The following CYP24A1 variants were observed in gnomAD, a reference collection of about 807,000 sequenced individuals.
The protein encoded by CYP24A1 is cytochrome P450 family 24 subfamily A member 1, also known as 1,25-dihydroxyvitamin D(3) 24-hydroxylase, mitochondrial.
Under a neutral mutation model 62.4 loss-of-function variants are expected in CYP24A1, and 68 were observed. The ratio of observed to expected loss-of-function variants is 1.09; its 90% CI spans 0.90 to 1.33. CYP24A1 has a LOEUF of 1.33. Among genes scored for constraint, CYP24A1 ranks in the 40% most tolerant of loss-of-function variants. The pLI, the probability that CYP24A1 is intolerant of heterozygous loss-of-function variation, is 0.00. For synonymous variants in CYP24A1, 267 were observed against 253.0 expected (o/e 1.06, Z -0.52); for missense variants, 787 against 653.0 (o/e 1.21, Z -2.24).
chr20:54,149,175 G>A (rs1262102868), downstream of CYP24A1, among the ~76,000 whole-genome samples: 3 of 152,082 alleles, frequency 2.0e-5, no homozygotes, highest in African/African-American at 7.2e-5. Flanking sequence ...ACCATTTATG[G>A]TAACCAATAA....
intron 5 of CYP24A1, among the ~76,000 whole-genome samples, chr20:54,165,506 C>G (rs1445062527): frequency 2.0e-5 from 3 of 152,198 alleles, no homozygotes; most frequent in Non-Finnish European, 4.4e-5. Context: ...CCACCCTGCC[C>G]TGTCCATGGA....
chr20:54,171,497 C>A, intron 3 of CYP24A1, 80 bp downstream of exon 3: 3 of 1,611,150 alleles, frequency 1.9e-6, no homozygotes, highest in Non-Finnish European at 2.5e-6. Context: ...TTCCTTTGTT[C>A]TTTGTAGCTG....
the CYP24A1 span, among the ~76,000 whole-genome samples, chr20:54,145,543 G>A: frequency 1.3e-5 from 2 of 151,380 alleles, no homozygotes; most frequent in East Asian, 1.9e-4. Context: ...GGGAGGCTGA[G>A]GCAGGAGAAT....
chr20:54,144,415 A>G, the CYP24A1 span, among the ~76,000 whole-genome samples: 1 of 150,832 alleles, frequency 6.6e-6, no homozygotes, highest in African/African-American at 2.4e-5. Context: ...ACACTTGGCT[A>G]ATTTTTTTTT....
chr20:54,170,434 G>A (rs1046312457), intron 3 of CYP24A1, among the ~76,000 whole-genome samples: 1 of 152,142 alleles, frequency 6.6e-6, no homozygotes, highest in Non-Finnish European at 1.5e-5. Flanking sequence ...TATGCACACA[G>A]AGCTGATAAG....
At chr20:54,172,676 C>T in intron 2 of CYP24A1, 1 of 932,616 alleles carries the variant, frequency 1.1e-6, no homozygotes, top group Non-Finnish European at 1.5e-6. Context: ...TGGCCCTGCC[C>T]TGTTGCCAGA....
chr20:54,157,845 T>C lies in CYP24A1; in HGVS notation c.1236+241A>G, dbSNP rs1417185797. 2.6e-5 allele frequency among the ~76,000 whole-genome samples: 4 copies of C among 152,212 alleles called. No homozygotes were observed. The East Asian group carries it at 7.7e-4, about 29-fold the overall frequency. ...CCCCTTTTACAGACGAAGTTGAGGCTCACAGAGATTATGTAACTCACTCAA... is the reference window on the plus strand; with the variant it reads ...CCCCTTTTACAGACGAAGTTGAGGCCCACAGAGATTATGTAACTCACTCAA... On this transcript the variant is annotated intron_variant, in intron 9 of 11. Transcript: ENST00000216862.
At position 54,173,483 on chromosome 20, in the gene CYP24A1, A is replaced by T; in HGVS notation, c.97T>A (p.Tyr33Asn). ...ACCTCTCGCGGCTGAGGGGACGTGT[A>T]CGCCGTAGATGTCACCAGTCTCGGG... Reference protein sequence around the residue: ...QPPRLVTSTAYTSPQPREVPV... With the variant: ...QPPRLVTSTANTSPQPREVPV... The change falls in exon 1 of 12, where the codon TAC becomes AAC. Residue 33 changes from tyrosine (Y) to asparagine (N), a missense_variant. By Grantham distance (143) the Tyr-to-Asn change is moderately radical. Transcript: ENST00000216862. The surrounding 1 kb of genome is among the most constrained non-coding windows in gnomAD (Gnocchi z 7.2). 1 of 1,565,986 alleles carries T rather than the reference A, an allele frequency of 6.4e-7. No individual in the cohort carries two copies. The highest frequency in any genetic ancestry group is 8.7e-7 in the Non-Finnish European group (1 of 1,155,796).
chr20:54,168,878 CCTTCCTTCCTTCCTTT>C (rs2092683757), intron 4 of CYP24A1, among the ~76,000 whole-genome samples: 1 of 109,470 alleles, frequency 9.1e-6, no homozygotes, highest in South Asian at 3.0e-4. Context: ...TTCCTTCCTT[CCTTCCTTCCTTCCTTT>C]CTCTGTCTCT....
chr20:54,148,041 G>A, the CYP24A1 span, among the ~76,000 whole-genome samples: 1 of 151,984 alleles, frequency 6.6e-6, no homozygotes, highest in Admixed American at 6.6e-5. Context: ...TCACCATGTT[G>A]GCCAGGCTGG....
At chr20:54,167,098 A>C (rs2092674923) in intron 4 of CYP24A1, among the ~76,000 whole-genome samples, 1 of 152,150 alleles carries the variant, frequency 6.6e-6, no homozygotes, top group South Asian at 2.1e-4. Context: ...TTGGCTCTTG[A>C]CTTATAAAGT....
downstream of CYP24A1, among the ~76,000 whole-genome samples, chr20:54,148,925 T>C (rs1228557515): frequency 6.6e-6 from 1 of 152,182 alleles, no homozygotes; most frequent in African/African-American, 2.4e-5. Context: ...GCCAACATGG[T>C]GAAACTCCCT....
At chr20:54,149,329 T>C (rs2092609096), downstream of CYP24A1, among the ~76,000 whole-genome samples, 1 of 152,212 alleles carries the variant, frequency 6.6e-6, no homozygotes. Context: ...TAACACACGC[T>C]GCTCAGTGCT....
At chr20:54,148,289 C>T in the CYP24A1 span, among the ~76,000 whole-genome samples, 1 of 151,458 alleles carries the variant, frequency 6.6e-6, no homozygotes, top group African/African-American at 2.4e-5. Context: ...ATACCATTCA[C>T]CCAGATTCTT....
At chr20:54,166,734 T>TA (rs201626236) in intron 4 of CYP24A1, among the ~76,000 whole-genome samples, 3 of 151,580 alleles carry the variant, frequency 2.0e-5, no homozygotes, top group African/African-American at 4.9e-5. Context: ...CTTTTTTTTT[T>TA]AAAAAAAGGA....
chr20:54,153,071 C>G (rs949759625), downstream of CYP24A1, among the ~76,000 whole-genome samples: 1 of 152,074 alleles, frequency 6.6e-6, no homozygotes, highest in South Asian at 2.1e-4. Flanking sequence ...TGAAATGGTT[C>G]GTAACCTCTA....
the CYP24A1 span, among the ~76,000 whole-genome samples, chr20:54,147,285 C>A: frequency 6.6e-6 from 1 of 152,166 alleles, no homozygotes; most frequent in Non-Finnish European, 1.5e-5. Context: ...ATTAGTGGCC[C>A]TAATCAGATA....
rs749195896 is a variant in CYP24A1 at position 54,162,841 on chromosome 20, C to T, written c.866G>A (p.Arg289Gln). Reference protein sequence around the residue: ...FKSVKACIDNRLEKYSQQPSA... With the variant: ...FKSVKACIDNQLEKYSQQPSA... The stretch of plus-strand genomic sequence containing the variant: ...AGGCTGCTGAGAATACTTCTCTAAC[C>T]GGTTGTCGATACAAGCTTTGACTAT... Residue 289 changes from arginine (R) to glutamine (Q), a missense_variant, in exon 7 of 12, where the codon CGG becomes CAG. Coordinates refer to ENST00000216862, the MANE Select transcript of CYP24A1 (RefSeq NM_000782.5). The T allele has an allele frequency of 1.9e-5, 30 of 1,575,252 alleles. No homozygotes were observed. The highest frequency in any genetic ancestry group is 2.4e-5 in the Non-Finnish European group (28 of 1,145,060).
intron 11 of CYP24A1, among the ~76,000 whole-genome samples, chr20:54,155,553 G>A (rs182439426): frequency 6.8e-4 from 104 of 152,046 alleles, no homozygotes; most frequent in Non-Finnish European, 1.3e-3. Flanking sequence ...CCAACATAAT[G>A]AAACCCCATC....
Sources: gnomAD v4.1 joint callset for allele counts (sites outside exome capture counted in the v4.1 genomes callset) on GRCh38, gnomAD v4.1.1 for gene constraint, Gnocchi (gnomAD v3.1) non-coding constraint, MANE v1.5 for transcripts, NCBI Gene and HGNC (gene_info 2026-07-23, HGNC 2026-07-21) for gene names.